KLHL32: variants seen among roughly 807,000 people sequenced by gnomAD.
KLHL32 encodes the protein kelch like family member 32.
In KLHL32, 35 loss-of-function variants were observed where a neutral mutation model predicts 64.8. That is an observed-to-expected ratio of 0.54 (90% CI 0.41 to 0.72). The LOEUF (loss-of-function observed/expected upper bound fraction) is 0.72, where lower values mean the gene tolerates loss of function less well. Ranked by LOEUF, KLHL32 falls within the 30% of genes least tolerant of loss-of-function variation. KLHL32 has a pLI of 0.00. For missense variants in KLHL32, 589 were observed against 768.5 expected, an observed-to-expected ratio of 0.77 and a Z score of 2.76; for synonymous variants, 259 against 281.0, an observed-to-expected ratio of 0.92 and a Z score of 0.78.
intron 3 of KLHL32, among the ~76,000 whole-genome samples, chr6:96,978,722 G>A (rs1033798895): frequency 6.6e-6 from 1 of 152,066 alleles, no homozygotes; most frequent in Non-Finnish European, 1.5e-5. Context: ...ATTGCCAAAC[G>A]GCTTTCCACA....
At chr6:97,065,490 A>C (rs1789602306) in intron 5 of KLHL32, among the ~76,000 whole-genome samples, 1 of 152,230 alleles carries the variant, frequency 6.6e-6, no homozygotes, top group Admixed American at 6.5e-5. Flanking sequence ...CATCTTAGGC[A>C]GACAGCATGG....
At chr6:97,095,407 GTA>G (rs1794841885) in intron 6 of KLHL32, among the ~76,000 whole-genome samples, 1 of 152,244 alleles carries the variant, frequency 6.6e-6, no homozygotes, top group Non-Finnish European at 1.5e-5. Flanking sequence ...CTCATCTCAT[GTA>G]AGTTTTAGGC....
chr6:97,060,289 C>A (rs1291271940), intron 4 of KLHL32, among the ~76,000 whole-genome samples: 1 of 152,090 alleles, frequency 6.6e-6, no homozygotes, highest in African/African-American at 2.4e-5. Flanking sequence ...CAGTCCCTAC[C>A]AGCCACCAAT....
In KLHL32 at chr6:97,024,903, T is replaced by G. The variant is rs138864843; in HGVS notation, c.205-16589T>G. The G allele has an allele frequency of 1.6e-3, 1,115 of 704,276 alleles. 7 individuals are homozygous for G. The African/African-American group carries it at 0.02, about 12-fold the overall frequency. The allele number at this position is 704,276 out of a possible 1,614,324, so 43.6% of individuals were successfully genotyped here. ...TATATATTGAAATATCACTTTATTT[T>G]TCTGCCATATCTTTTCTATGCTTTT... On this transcript the variant is annotated intron_variant, in intron 3 of 10. Coordinates refer to ENST00000369261, the MANE Select transcript of KLHL32 (RefSeq NM_052904.4).
intron 6 of KLHL32, among the ~76,000 whole-genome samples, chr6:97,088,519 C>T (rs1348231720): frequency 6.6e-6 from 1 of 152,068 alleles, no homozygotes; most frequent in African/African-American, 2.4e-5. Flanking sequence ...CAGGGTCTTA[C>T]CATAGGAGCT....
intron 4 of KLHL32, chr6:97,062,507 G>T (rs1018866063): frequency 6.6e-6 from 1 of 152,070 alleles, no homozygotes; most frequent in Admixed American, 6.6e-5. Context: ...GATGAGTGTT[G>T]GTATTTTTGC....
intron 6 of KLHL32, among the ~76,000 whole-genome samples, chr6:97,107,528 C>T (rs973822828): frequency 1.3e-5 from 2 of 152,156 alleles, no homozygotes; most frequent in Non-Finnish European, 2.9e-5. Flanking sequence ...GCCAAGTGGA[C>T]TCAGCTTTCT....
intron 2 of KLHL32, among the ~76,000 whole-genome samples, chr6:96,975,448 C>T (rs1214911443): frequency 1.3e-5 from 2 of 152,180 alleles, no homozygotes; most frequent in African/African-American, 4.8e-5. Flanking sequence ...TTGCCTTTTA[C>T]ATGGAATGGT....
rs550001040 is a variant in KLHL32, at chr6:96,950,394, C to T, written c.-65-16602C>T. 2.6e-5 allele frequency among the ~76,000 whole-genome samples: 4 copies of T among 152,146 alleles called. No individual in the cohort carries two copies. The East Asian group carries it at 7.7e-4, about 29-fold the overall frequency. ...ATGTCAGTTAACATGAAGCTCAACC[C>T]AGCTGAAGGAACTTCACCTCATGCC... is the stretch of plus-strand genomic sequence containing the variant. On this transcript the variant is annotated intron_variant, in intron 1 of 10. Transcript: ENST00000369261.
At chr6:96,969,286 T>C (rs1774851123) in intron 2 of KLHL32, among the ~76,000 whole-genome samples, 1 of 152,190 alleles carries the variant, frequency 6.6e-6, no homozygotes, top group Non-Finnish European at 1.5e-5. Flanking sequence ...CTATCAGCCA[T>C]TTTACTCTTA....
intron 1 of KLHL32, among the ~76,000 whole-genome samples, chr6:96,925,621 G>T (rs1769045101): frequency 6.6e-6 from 1 of 152,090 alleles, no homozygotes; most frequent in Admixed American, 6.5e-5. Flanking sequence ...ACTTAGTCGT[G>T]ATTATTTTAA....
At chr6:96,908,731 G>C in the KLHL32 span, among the ~76,000 whole-genome samples, 9 of 151,960 alleles carry the variant, frequency 5.9e-5, no homozygotes, top group Non-Finnish European at 2.9e-5. Context: ...GCTGTCCACT[G>C]TCCGCACCCC....
chr6:97,053,675 A>C (rs1417125675), intron 4 of KLHL32, among the ~76,000 whole-genome samples: 1 of 151,986 alleles, frequency 6.6e-6, no homozygotes. Context: ...ATTGTAATTT[A>C]CTTCAACTTC....
chr6:96,952,738 G>A (rs992140261), intron 1 of KLHL32, among the ~76,000 whole-genome samples: 13 of 152,138 alleles, frequency 8.5e-5, no homozygotes, highest in African/African-American at 2.9e-4. Context: ...ATCATCACAA[G>A]GTGATCACAA....
At chr6:96,904,339 C>CAAAAAAAA in the KLHL32 span, among the ~76,000 whole-genome samples, 2 of 106,048 alleles carry the variant, frequency 1.9e-5, no homozygotes, top group South Asian at 3.2e-4. Context: ...AAGACTTTGT[C>CAAAAAAAA]AAAAAAAAAA....
chr6:96,961,520 A>G (rs757679999), intron 1 of KLHL32, among the ~76,000 whole-genome samples: 16 of 152,154 alleles, frequency 1.1e-4, no homozygotes, highest in Non-Finnish European at 2.1e-4. Flanking sequence ...TTCTGCCTGT[A>G]TGCAGCAAGC....
chr6:96,984,764 GTC>G (rs1776792251), intron 3 of KLHL32, among the ~76,000 whole-genome samples: 3 of 152,246 alleles, frequency 2.0e-5, no homozygotes, highest in Admixed American at 2.0e-4. Context: ...GCCTATGTGT[GTC>G]TCTGCACGTG....
intron 3 of KLHL32, among the ~76,000 whole-genome samples, chr6:97,028,752 T>C (rs1202220731): frequency 1.3e-5 from 2 of 152,214 alleles, no homozygotes; most frequent in African/African-American, 2.4e-5. Context: ...GCCTCTTCAA[T>C]TAATTCGATT....
intron 3 of KLHL32, among the ~76,000 whole-genome samples, chr6:97,016,548 T>G (rs1231869126): frequency 6.6e-6 from 1 of 152,256 alleles, no homozygotes; most frequent in Non-Finnish European, 1.5e-5. Flanking sequence ...GTAACTAACT[T>G]GCTTTTGATT....
Sources: gnomAD v4.1 joint callset for allele counts (sites outside exome capture counted in the v4.1 genomes callset) on GRCh38, gnomAD v4.1.1 for gene constraint, MANE v1.5 for transcripts, NCBI Gene and HGNC (gene_info 2026-07-23, HGNC 2026-07-21) for gene names.